UBE4A: variants seen among roughly 807,000 people sequenced by gnomAD.
UBE4A encodes ubiquitination factor E4A.
A neutral mutation model predicts 117.9 loss-of-function variants in UBE4A; 48 were observed. The ratio of observed to expected loss-of-function variants is 0.41; its 90% CI spans 0.32 to 0.52. The LOEUF is 0.52. Ranked by LOEUF, UBE4A falls within the 20% of genes least tolerant of loss-of-function variation. UBE4A has a pLI of 0.33. For missense variants in UBE4A, 1,067 were observed against 1,296.3 expected, an observed-to-expected ratio of 0.82 and a Z score of 2.72; for synonymous variants, 407 against 450.0, an observed-to-expected ratio of 0.90 and a Z score of 1.21.
chr11:118,392,916 G>C (rs782703549), intron 19 of UBE4A, 21 bp downstream of exon 19: 2 of 1,610,790 alleles, frequency 1.2e-6, no homozygotes, highest in South Asian at 2.2e-5. Context: ...CCCAAAAACA[G>C]ACTCAAGAGC....
At chr11:118,386,732 G>C in intron 16 of UBE4A, 120 bp downstream of exon 16, 1 of 1,134,756 alleles carries the variant, frequency 8.8e-7, no homozygotes, top group East Asian at 2.8e-5. Flanking sequence ...CTCCACATCT[G>C]GAAGGGAAAC....
Position 118,384,947 on chromosome 11 carries a change from TAAAAA to T in UBE4A, c.2412+19_2412+23del, listed in dbSNP as rs370025001. 4.2e-3 allele frequency: 4,393 copies of T among 1,056,924 alleles called. No homozygotes were observed. The highest frequency in any genetic ancestry group is 5.0e-3 in the Middle Eastern group (20 of 3,988). 65.5% of individuals were successfully genotyped at this position (1,056,924 alleles called of 1,614,324 possible). ...TTCCTTTTGGATGAAGCCATACAGGTAAAAAAAAAAAAAAAAAAAAAGATTTAACT... is the reference window on the plus strand; with the variant it reads ...TTCCTTTTGGATGAAGCCATACAGGTAAAAAAAAAAAAAAAAGATTTAACT... On this transcript the variant is annotated splice_donor_5th_base_variant and intron_variant, in intron 15 of 19. Transcript: ENST00000252108.
intron 4 of UBE4A, 72 bp downstream of exon 4, chr11:118,369,607 C>T: frequency 9.7e-7 from 1 of 1,035,544 alleles, no homozygotes; most frequent in Non-Finnish European, 1.5e-6. Flanking sequence ...GCTCACTGTT[C>T]TCCAACTTAT....
chr11:118,373,618 G>A lies in UBE4A; in HGVS notation c.1049G>A (p.Gly350Asp), dbSNP rs1010099057. The A allele has an allele frequency of 5.3e-5, 86 of 1,614,008 alleles. No homozygotes were observed. Among genetic ancestry groups the A allele is most frequent in the Non-Finnish European group, 7.2e-5 (85 of 1,180,032 alleles). The change falls in exon 8 of 20, where the codon GGC becomes GAC. Residue 350 changes from glycine (G) to aspartate (D), a missense_variant. By Grantham distance (94) the Gly-to-Asp change is moderately conservative. Around this residue, in one of 3 missense-constraint regions of UBE4A, gnomAD observed 1,001 missense variants for 1,184.0 expected, o/e 0.85. Coordinates refer to ENST00000252108, the MANE Select transcript of UBE4A (RefSeq NM_001204077.2). ...LKTPGVVENH[G>D]YFLNPSRSSP... ...ACTCCGGGTGTTGTAGAAAATCATG[G>A]CTACTTTTTGAATCCATCTCGTTCC...
chr11:118,387,309 C>A (rs1311233809), intron 16 of UBE4A, among the ~76,000 whole-genome samples: 1 of 151,944 alleles, frequency 6.6e-6, no homozygotes, highest in Non-Finnish European at 1.5e-5. Flanking sequence ...AGCCACAAAA[C>A]AAGAACAAAG....
intron 8 of UBE4A, among the ~76,000 whole-genome samples, chr11:118,374,461 T>C (rs1948634262): frequency 1.3e-5 from 2 of 152,180 alleles, no homozygotes; most frequent in South Asian, 4.1e-4. Context: ...AGGCAAGGCA[T>C]GGCAAACTAG....
chr11:118,374,044 G>T (rs1216990662), intron 8 of UBE4A, among the ~76,000 whole-genome samples: 5 of 152,034 alleles, frequency 3.3e-5, no homozygotes, highest in Non-Finnish European at 7.4e-5. Flanking sequence ...AGCCTGGGAG[G>T]TCAAGACTTC....
rs577005024 is a variant in UBE4A, at chr11:118,363,646, C to G, written c.-41-1394C>G. Among the ~76,000 whole-genome samples, 12 of 139,048 alleles carry G rather than the reference C, an allele frequency of 8.6e-5. No homozygotes were observed. The South Asian group carries it at 2.4e-3, about 28-fold the overall frequency. The allele number at this position is 139,048 out of a possible 152,430, so 91.2% of individuals were successfully genotyped here. Reference sequence around the variant, plus strand: ...TTTTTTTTTGAGACGAAGTCTCGCTCTGTCACCCAGGTTGAAGTGCAGTGG... The same window carrying G: ...TTTTTTTTTGAGACGAAGTCTCGCTGTGTCACCCAGGTTGAAGTGCAGTGG... On this transcript the variant is annotated intron_variant, in intron 1 of 19. Transcript: ENST00000252108.
At chr11:118,361,155 T>G (rs565572640) in intron 1 of UBE4A, among the ~76,000 whole-genome samples, 1 of 151,832 alleles carries the variant, frequency 6.6e-6, no homozygotes, top group East Asian at 1.9e-4. Context: ...GTAGTGGGAT[T>G]ACAGCCTGGC....
chr11:118,368,119 AT>A (rs1234998932), intron 2 of UBE4A, among the ~76,000 whole-genome samples: 1 of 152,176 alleles, frequency 6.6e-6, no homozygotes, highest in Non-Finnish European at 1.5e-5. Flanking sequence ...ATAGTATCCC[AT>A]TTTTTAAAAA....
At chr11:118,363,865 G>A (rs530846855) in intron 1 of UBE4A, among the ~76,000 whole-genome samples, 209 of 150,964 alleles carry the variant, frequency 1.4e-3, no homozygotes, top group Non-Finnish European at 1.8e-3. Flanking sequence ...TGATCCACCT[G>A]CCTCAGCCTC....
rs550670331 is a variant in UBE4A, at chr11:118,396,850, A to C, written c.*410A>C. The C allele has an allele frequency of 2.8e-3, 490 of 176,966 alleles. 1 individual carries two copies. Among genetic ancestry groups the C allele is most frequent in the Non-Finnish European group, 4.3e-3 (370 of 85,992 alleles). The allele number at this position is 176,966 out of a possible 1,614,324, so 11.0% of individuals were successfully genotyped here. A position where few individuals can be genotyped will look rare whatever the true frequency, so the allele number is the denominator to read the frequency against. Reference sequence around the variant, plus strand: ...TGCTTTTATAAATATGTGATGTCACATATTTCAGTGACAGCTGATGTTATC... The same window carrying C: ...TGCTTTTATAAATATGTGATGTCACCTATTTCAGTGACAGCTGATGTTATC... On this transcript the variant is annotated 3_prime_UTR_variant, in exon 20 of 20. Coordinates refer to ENST00000252108, the MANE Select transcript of UBE4A (RefSeq NM_001204077.2).
intron 10 of UBE4A, among the ~76,000 whole-genome samples, chr11:118,378,139 C>T (rs1207851463): frequency 2.7e-5 from 4 of 150,828 alleles, no homozygotes; most frequent in Non-Finnish European, 4.4e-5. Context: ...CCCAGCTACT[C>T]GGGAGGTTGA....
intron 12 of UBE4A, 60 bp from the exon 13 acceptor site, chr11:118,382,527 AAC>A: frequency 7.3e-7 from 1 of 1,376,042 alleles, no homozygotes; most frequent in Non-Finnish European, 9.7e-7. Context: ...ATGTGGAGAG[AAC>A]AGAGTCATAA....
rs1385054419 is a variant in UBE4A, at chr11:118,397,064, A to G, written c.*624A>G. 6.6e-6 allele frequency: 1 copy of G among 152,364 alleles called. No homozygotes were observed. Among genetic ancestry groups the G allele is most frequent in the Non-Finnish European group, 1.5e-5 (1 of 68,202 alleles). The allele number at this position is 152,364 out of a possible 1,614,324, so 9.4% of individuals were successfully genotyped here. ...GGAATCTTGTGCAACTTCTGTTGAT[A>G]GCTCTTAATTTTGTTATACAGTCTT... On this transcript the variant is annotated 3_prime_UTR_variant, in exon 20 of 20. Coordinates refer to ENST00000252108, the MANE Select transcript of UBE4A (RefSeq NM_001204077.2).
At chr11:118,374,543 A>G (rs1257656156) in intron 8 of UBE4A, among the ~76,000 whole-genome samples, 4 of 152,222 alleles carry the variant, frequency 2.6e-5, no homozygotes, top group African/African-American at 9.6e-5. Flanking sequence ...GCGCATTAGT[A>G]TATGTATTGT....
rs1039848812 is a variant in UBE4A at position 118,369,442 on chromosome 11, C to T, written c.315C>T (p.Ser105=). 9.9e-6 allele frequency: 16 copies of T among 1,613,842 alleles called. No homozygotes were observed. Among genetic ancestry groups the T allele is most frequent in the East Asian group, 4.5e-5 (2 of 44,892 alleles). ...TLDNSDPSLK[S]GNGIPSRCVY... is the part of the protein sequence containing the mutation. ...TCCCAGGTGATCCCAGCTTGAAAAG[C>T]GGGAATGGCATCCCTAGCCGTTGTG... Residue 105 remains serine (S), a synonymous_variant, in exon 4 of 20, where the codon AGC becomes AGT. Coordinates refer to ENST00000252108, the MANE Select transcript of UBE4A (RefSeq NM_001204077.2).
At chr11:118,369,755 C>T (rs1238789402) in intron 4 of UBE4A, among the ~76,000 whole-genome samples, 3 of 151,760 alleles carry the variant, frequency 2.0e-5, no homozygotes, top group Non-Finnish European at 2.9e-5. Flanking sequence ...GGCCACATGC[C>T]CAAATCTACC....
Position 118,375,227 on chromosome 11 carries a change from G to C in UBE4A, c.1448G>C (p.Arg483Thr), listed in dbSNP as rs1555125195. The stretch of plus-strand genomic sequence containing the variant: ...CGAAAAATTAAAAATGTACACATGA[G>C]AGGTAGGAGAGAACCAGGCTTCTCA... ...EERKIKNVHM[R>T]GLDKETCLIP... Residue 483 changes from arginine (R) to threonine (T), a missense_variant and splice_region_variant, in exon 9 of 20, where the codon AGA (arginine) becomes ACA (threonine). Physicochemically the swap from Arg to Thr is moderately conservative, Grantham distance 71 (BLOSUM62 -1). Transcript: ENST00000252108. 1.9e-6 allele frequency: 3 copies of C among 1,598,964 alleles called. No homozygotes were observed. The highest frequency in any genetic ancestry group is 1.7e-5 in the Admixed American group (1 of 58,798).
Sources: gnomAD v4.1 joint callset for allele counts (sites outside exome capture counted in the v4.1 genomes callset) on GRCh38, gnomAD v4.1.1 for gene constraint, gnomAD v4.1.1 regional missense constraint, MANE v1.5 for transcripts, NCBI Gene and HGNC (gene_info 2026-07-23, HGNC 2026-07-21) for gene names.